The following FA2H variants were observed in gnomAD, a reference collection of about 807,000 sequenced individuals.
The protein encoded by FA2H is fatty acid 2-hydroxylase.
Under a neutral mutation model 44.9 loss-of-function variants are expected in FA2H, and 22 were observed. The ratio of observed to expected loss-of-function variants is 0.49; its 90% CI spans 0.35 to 0.70. The LOEUF is 0.70. Among genes scored for constraint, FA2H ranks in the 30% least tolerant of loss-of-function variants. The probability of loss-of-function intolerance (pLI) is 0.01; values close to 1 mark genes in which losing one functional copy is unlikely to be tolerated. For synonymous variants in FA2H, 243 were observed against 213.2 expected, an observed-to-expected ratio of 1.14 and a Z score of -1.22; for missense variants, 501 against 504.9, an observed-to-expected ratio of 0.99 and a Z score of 0.07.
At chr16:74,741,808 A>ATATATATATGTGTGTG (rs1491185782) in intron 1 of FA2H, among the ~76,000 whole-genome samples, 25 of 48,394 alleles carry the variant, frequency 5.2e-4, no homozygotes, top group African/African-American at 1.4e-3. Flanking sequence ...ATATATATAT[A>ATATATATATGTGTGTG]TGTGTGTGTG....
At position 74,765,297 on chromosome 16, in the gene FA2H, T is replaced by C. The variant is rs549221446; in HGVS notation, c.270+9189A>G. On this transcript the variant is annotated intron_variant, in intron 1 of 6. Transcript: ENST00000219368. ...TCAGCCTCCCAAGTAGCTGGGATTATAGGCATGCGCCACCACACCTGGCTA... is the reference window on the plus strand; with the variant it reads ...TCAGCCTCCCAAGTAGCTGGGATTACAGGCATGCGCCACCACACCTGGCTA... 2.0e-3 allele frequency among the ~76,000 whole-genome samples: 303 copies of C among 151,986 alleles called. 2 individuals are homozygous for C. The highest frequency in any genetic ancestry group is 6.7e-3 in the African/African-American group (276 of 41,476).
At chr16:74,740,401 G>A (rs1023761454) in intron 1 of FA2H, among the ~76,000 whole-genome samples, 1 of 152,020 alleles carries the variant, frequency 6.6e-6, no homozygotes, top group Non-Finnish European at 1.5e-5. Flanking sequence ...TGGATCGCCC[G>A]AGGTCAGGAG....
At chr16:74,752,008 G>A (rs576502506) in intron 1 of FA2H, among the ~76,000 whole-genome samples, 66 of 152,024 alleles carry the variant, frequency 4.3e-4, no homozygotes, top group Non-Finnish European at 7.8e-4. Flanking sequence ...AAATCAAATC[G>A]CCCAGTTGCT....
At chr16:74,763,526 G>A (rs542379258) in intron 1 of FA2H, among the ~76,000 whole-genome samples, 5 of 152,158 alleles carry the variant, frequency 3.3e-5, no homozygotes, top group African/African-American at 4.8e-5. Context: ...CCAAAGTGCC[G>A]GGATTACAGG....
chr16:74,716,456 G>A lies in FA2H; in HGVS notation c.930C>T (p.Leu310=). 4 of 1,613,998 alleles carry A rather than the reference G, an allele frequency of 2.5e-6. No individual in the cohort carries two copies. The highest frequency in any genetic ancestry group is 2.5e-6 in the Non-Finnish European group (3 of 1,180,006). The change falls in exon 6 of 7, where the codon CTC becomes CTT. Residue 310 remains leucine, a synonymous_variant. Transcript: ENST00000219368. ...VFAGGLLGYV[L]YDMTHYYLHF... is the part of the protein sequence containing the mutation. The stretch of plus-strand genomic sequence containing the variant: ...GCAGGTAGTAATGGGTCATGTCATA[G>A]AGGACGTAGCCCAGGAGGCCCCCCG...
chr16:74,748,160 C>G (rs1962460447), intron 1 of FA2H, among the ~76,000 whole-genome samples: 1 of 152,240 alleles, frequency 6.6e-6, no homozygotes, highest in African/African-American at 2.4e-5. Context: ...CCATCTGCAG[C>G]CAGGGGCGGC....
chr16:74,718,956 C>T, intron 5 of FA2H, 32 bp downstream of exon 5: 1 of 1,611,198 alleles, frequency 6.2e-7, no homozygotes, highest in African/African-American at 1.3e-5. Flanking sequence ...GCTGCACATG[C>T]TAGGTCCGGG....
chr16:74,739,400 C>T (rs1342051580), intron 2 of FA2H, among the ~76,000 whole-genome samples: 1 of 152,152 alleles, frequency 6.6e-6, no homozygotes, highest in Admixed American at 6.5e-5. Flanking sequence ...GCTGCTTCTC[C>T]CCTGCCGCTG....
rs1458106047 is a variant in FA2H at position 74,713,190 on chromosome 16, A to G, written c.*1000T>C. ...AAGGAACCAAAAACAGGAGGAAACAACATTTTTTACATAAGCTCAACATGT... is the reference window on the plus strand; with the variant it reads ...AAGGAACCAAAAACAGGAGGAAACAGCATTTTTTACATAAGCTCAACATGT... On this transcript the variant is annotated 3_prime_UTR_variant, in exon 7 of 7. Coordinates refer to ENST00000219368, the MANE Select transcript of FA2H (RefSeq NM_024306.5). 2 of 152,640 alleles carry G rather than the reference A, an allele frequency of 1.3e-5. No individual in the cohort carries two copies. Among genetic ancestry groups the G allele is most frequent in the Non-Finnish European group, 2.9e-5 (2 of 68,036 alleles). The allele number at this position is 152,640 out of a possible 1,614,324, so 9.5% of individuals were successfully genotyped here.
chr16:74,725,969 T>C (rs1173822409), intron 4 of FA2H: 13 of 465,508 alleles, frequency 2.8e-5, no homozygotes, highest in South Asian at 2.7e-4. Flanking sequence ...CTCTCTCTCT[T>C]TTTTTATTGC....
chr16:74,759,623 G>A (rs971449607), intron 1 of FA2H, among the ~76,000 whole-genome samples: 1 of 152,146 alleles, frequency 6.6e-6, no homozygotes, highest in African/African-American at 2.4e-5. Context: ...TACTTTCCCC[G>A]GGAAGGTCAC....
At chr16:74,735,919 G>A (rs1346888884) in intron 2 of FA2H, among the ~76,000 whole-genome samples, 1 of 152,216 alleles carries the variant, frequency 6.6e-6, no homozygotes, top group African/African-American at 2.4e-5. Flanking sequence ...GGAGGTTGAG[G>A]CTGCAGTGAG....
At chr16:74,759,394 TG>T (rs897724604) in intron 1 of FA2H, among the ~76,000 whole-genome samples, 2 of 152,202 alleles carry the variant, frequency 1.3e-5, no homozygotes, top group African/African-American at 4.8e-5. Flanking sequence ...GCTGATTGGC[TG>T]GGATCAGCTC....
chr16:74,734,786 C>T (rs1962148857), intron 2 of FA2H, among the ~76,000 whole-genome samples: 2 of 152,208 alleles, frequency 1.3e-5, no homozygotes, highest in African/African-American at 2.4e-5. Flanking sequence ...CCTAAGGTGG[C>T]AAATGTGGTG....
chr16:74,766,684 G>A (rs1235472503), intron 1 of FA2H, among the ~76,000 whole-genome samples: 1 of 152,146 alleles, frequency 6.6e-6, no homozygotes, highest in Non-Finnish European at 1.5e-5. Context: ...CCAAGCCATT[G>A]GCTCTTCTTG....
intron 1 of FA2H, among the ~76,000 whole-genome samples, chr16:74,744,450 CTT>C (rs35646878): frequency 0.18 from 23,372 of 129,026 alleles, 1,601 homozygotes; most frequent in East Asian, 0.28. Flanking sequence ...CAGATGATGC[CTT>C]TTTTTTTTTT....
chr16:74,755,427 G>A (rs763600032), intron 1 of FA2H, among the ~76,000 whole-genome samples: 15 of 152,102 alleles, frequency 9.9e-5, no homozygotes, highest in Non-Finnish European at 1.9e-4. Context: ...TGATCCACCC[G>A]CCTCGGCCTC....
intron 6 of FA2H, among the ~76,000 whole-genome samples, chr16:74,715,815 CTT>C (rs536329308): frequency 1.0e-4 from 14 of 136,316 alleles, no homozygotes; most frequent in Admixed American, 2.2e-4. Context: ...TCTTCTTCTT[CTT>C]TTTTTTTTTT....
intron 2 of FA2H, 98 bp downstream of exon 2, chr16:74,739,925 C>T (rs770132089): frequency 8.7e-6 from 8 of 918,306 alleles, no homozygotes; most frequent in African/African-American, 3.3e-5. Flanking sequence ...CCTGGGCACA[C>T]GTCATGCCCA....
Sources: gnomAD v4.1 joint callset for allele counts (sites outside exome capture counted in the v4.1 genomes callset) on GRCh38, gnomAD v4.1.1 for gene constraint, MANE v1.5 for transcripts, NCBI Gene and HGNC (gene_info 2026-07-23, HGNC 2026-07-21) for gene names.